LMNTD2: variants seen among roughly 807,000 people sequenced by gnomAD.
The protein encoded by LMNTD2 is lamin tail domain-containing protein 2.
Under a neutral mutation model 70.1 loss-of-function variants are expected in LMNTD2, and 83 were observed. The ratio of observed to expected loss-of-function variants is 1.18; its 90% CI spans 0.99 to 1.42. The LOEUF (loss-of-function observed/expected upper bound fraction) is 1.42. Among genes scored for constraint, LMNTD2 ranks in the 40% most tolerant of loss-of-function variants. LMNTD2 has a pLI of 0.00. For synonymous variants in LMNTD2, 534 were observed against 406.1 expected (o/e 1.31, Z -3.79); for missense variants, 1,153 against 905.9 (o/e 1.27, Z -3.50).
intron 3 of LMNTD2, 37 bp from the exon 4 acceptor site, chr11:558,285 T>TGAG: frequency 1.3e-6 from 2 of 1,592,648 alleles, no homozygotes; most frequent in Non-Finnish European, 1.7e-6. Context: ...CCCACCCTGC[T>TGAG]CAGGCAGGGG....
rs374146361 is a variant in LMNTD2 at position 556,906 on chromosome 11, G to A, written c.905C>T (p.Pro302Leu). ...LPSFVQVIGHPPRDHRASSEQ... is the reference protein window; with the variant it reads ...LPSFVQVIGHLPRDHRASSEQ... ...GGAGGAAGCGCGGTGGTCCCGGGGC[G>A]GGTGCCCTATCACCTGCACGAAGGA... Residue 302 changes from proline (P) to leucine (L), a missense_variant, in exon 8 of 14, where the codon CCG (proline) becomes CTG (leucine). By Grantham distance (98) the Pro-to-Leu change is moderately conservative (BLOSUM62 -3). Coordinates refer to ENST00000329451, the MANE Select transcript of LMNTD2 (RefSeq NM_173573.3). 47 of 1,595,250 alleles carry A rather than the reference G, an allele frequency of 2.9e-5. No homozygotes were observed. Among genetic ancestry groups the A allele is most frequent in the Non-Finnish European group, 3.8e-5 (45 of 1,174,116 alleles).
At position 557,022 on chromosome 11, in the gene LMNTD2, C is replaced by G. The variant is rs771717290; in HGVS notation, c.789G>C (p.Lys263Asn). Residue 263 changes from lysine (K) to asparagine (N), a missense_variant, in exon 8 of 14, where the codon AAG becomes AAC. Transcript: ENST00000329451. ...SSGKHSERHH[K>N]TVEWGSLPCL... ...AGGGCAGGGAGCCCCACTCCACGGT[C>G]TTGTGATGCCGCTCGGAATGCTTTC... 6.2e-7 allele frequency: 1 copy of G among 1,609,786 alleles called. No homozygotes were observed. The highest frequency in any genetic ancestry group is 8.5e-7 in the Non-Finnish European group (1 of 1,179,140).
chr11:559,523 C>T, intron 1 of LMNTD2: 6 of 1,263,128 alleles, frequency 4.8e-6, no homozygotes, highest in Admixed American at 2.5e-5. Context: ...AGAGGCTGAG[C>T]CACTGCTCAG....
intron 13 of LMNTD2, 83 bp downstream of exon 13, chr11:555,221 AG>A: frequency 1.5e-6 from 1 of 651,996 alleles, no homozygotes. Context: ...GGGGACGAGG[AG>A]ACAGAGGGGA....
Position 555,856 on chromosome 11 carries a change from G to T in LMNTD2, c.1452C>A (p.Ser484=). The T allele has an allele frequency of 6.4e-7, 1 of 1,560,700 alleles. No homozygotes were observed. The change falls in exon 12 of 14, where the codon TCC becomes TCA. Residue 484 remains serine (S), a synonymous_variant. Transcript: ENST00000329451. Reference sequence around the variant, plus strand: ...CCTCAGGGAGCGGGAAGCGGTCGATGGACAAGTCGGTGCCGTCGGCGAAGA... The same window carrying T: ...CCTCAGGGAGCGGGAAGCGGTCGATTGACAAGTCGGTGCCGTCGGCGAAGA... ...PRVFADGTDL[S]IDRFPLPEAG...
At chr11:557,145 C>A in intron 7 of LMNTD2, 48 bp from the exon 8 acceptor site, 1 of 1,523,044 alleles carries the variant, frequency 6.6e-7, no homozygotes, top group Non-Finnish European at 8.8e-7. Context: ...CAGACCCCAG[C>A]CCTGCCCCCG....
At chr11:559,961 TCACC>T (rs145993578) in intron 1 of LMNTD2, 10,901 of 189,200 alleles carry the variant, frequency 0.058, 640 homozygotes, top group East Asian at 0.3. Flanking sequence ...TGACAGGCAC[TCACC>T]TACCTGACCC....
intron 12 of LMNTD2, 94 bp downstream of exon 12, chr11:555,640 A>G: frequency 7.9e-7 from 1 of 1,262,552 alleles, no homozygotes; most frequent in Non-Finnish European, 1.0e-6. Flanking sequence ...CTGGGGAAGT[A>G]GGGGTCCGTC....
In LMNTD2 at chr11:558,784, C is replaced by T; in HGVS notation, c.159-18G>A. 6.2e-7 allele frequency: 1 copy of T among 1,601,520 alleles called. No individual in the cohort carries two copies. Among genetic ancestry groups the T allele is most frequent in the Non-Finnish European group, 8.5e-7 (1 of 1,171,350 alleles). ...GAGCCAACCTGCAGCGGCAGCAGAC[C>T]CTGCTGCTTACTCAGGCCGGCCCCT... On this transcript the variant is annotated intron_variant, in intron 2 of 13. Coordinates refer to ENST00000329451, the MANE Select transcript of LMNTD2 (RefSeq NM_173573.3).
rs765156653 is a variant in LMNTD2 at position 555,898 on chromosome 11, C to G, written c.1410G>C (p.Glu470Asp). The G allele has an allele frequency of 6.4e-7, 1 of 1,566,596 alleles. No individual in the cohort carries two copies. Residue 470 changes from glutamate (E) to aspartate (D), a missense_variant, in exon 12 of 14, where the codon GAG (glutamate) becomes GAC (aspartate). Transcript: ENST00000329451. ...CGGCGAAGACCCTCGGGGCCGGAGT[C>G]TCGCGGCGTGGGATCCGGTGCTCAC... Reference protein sequence around the residue: ...VLSEHRIPRRETPAPRVFADG... With the variant: ...VLSEHRIPRRDTPAPRVFADG...
Position 557,433 on chromosome 11 carries a change from G to C in LMNTD2, c.679C>G (p.Leu227Val). The C allele has an allele frequency of 6.2e-7, 1 of 1,610,070 alleles. No homozygotes were observed. Among genetic ancestry groups the C allele is most frequent in the East Asian group, 2.2e-5 (1 of 44,762 alleles). Reference protein sequence around the residue: ...WNSVARRYPNLFTNMEPSSKQ... With the variant: ...WNSVARRYPNVFTNMEPSSKQ... The stretch of plus-strand genomic sequence containing the variant: ...GAGCTGGGCTCCATGTTGGTGAAGA[G>C]GTTGGGATACCGGCGGGCAACGCTG... The change falls in exon 7 of 14, where the codon CTC becomes GTC. Residue 227 changes from leucine to valine, a missense_variant. By Grantham distance (32) the Leu-to-Val change is conservative. Transcript: ENST00000329451.
At chr11:559,194 T>G in intron 1 of LMNTD2, 1 of 1,475,232 alleles carries the variant, frequency 6.8e-7, no homozygotes, top group South Asian at 1.3e-5. Context: ...TCCACACCCG[T>G]GTGTTTCTGA....
rs768772255 is a variant in LMNTD2, at chr11:557,018, C to G, written c.793G>C (p.Val265Leu). Residue 265 changes from valine to leucine, a missense_variant, in exon 8 of 14, where the codon GTG becomes CTG. Physicochemically the swap from Val to Leu is conservative, Grantham distance 32 (BLOSUM62 1). Transcript: ENST00000329451. Reference sequence around the variant, plus strand: ...AGACAGGGCAGGGAGCCCCACTCCACGGTCTTGTGATGCCGCTCGGAATGC... The same window carrying G: ...AGACAGGGCAGGGAGCCCCACTCCAGGGTCTTGTGATGCCGCTCGGAATGC... ...GKHSERHHKT[V>L]EWGSLPCLNT... 1 of 1,609,492 alleles carries G rather than the reference C, an allele frequency of 6.2e-7. No homozygotes were observed. Among genetic ancestry groups the G allele is most frequent in the African/African-American group, 1.3e-5 (1 of 75,026 alleles).
intron 1 of LMNTD2, 191 bp downstream of exon 1, chr11:560,492 G>A (rs1026747048): frequency 2.4e-6 from 3 of 1,257,836 alleles, no homozygotes; most frequent in Non-Finnish European, 2.0e-6. Context: ...CGACCCCTGC[G>A]CGTCCAGACT....
chr11:558,072 G>A, intron 4 of LMNTD2, 33 bp from the exon 5 acceptor site: 1 of 1,588,748 alleles, frequency 6.3e-7, no homozygotes, highest in Non-Finnish European at 8.6e-7. Flanking sequence ...TGGTGGTGGG[G>A]GGGTGTCTTC....
chr11:555,697 G>A, intron 12 of LMNTD2, 37 bp downstream of exon 12: 3 of 1,370,668 alleles, frequency 2.2e-6, no homozygotes, highest in Non-Finnish European at 2.8e-6. Context: ...CGGGGCCTGG[G>A]GAGGGAGGCC....
Position 555,508 on chromosome 11 carries a change from T to G in LMNTD2, c.1575-5A>C. The G allele has an allele frequency of 2.2e-6, 3 of 1,349,214 alleles. No homozygotes were observed. Among genetic ancestry groups the G allele is most frequent in the Non-Finnish European group, 2.8e-6 (3 of 1,056,764 alleles). The allele number at this position is 1,349,214 out of a possible 1,614,324, so 83.6% of individuals were successfully genotyped here. Reference sequence around the variant, plus strand: ...GGGGGCAGCAGGCCCCGCGTCCTGGTGGGGCGAGGGTCGTGAGGGCGGCGG... The same window carrying G: ...GGGGGCAGCAGGCCCCGCGTCCTGGGGGGGCGAGGGTCGTGAGGGCGGCGG... On this transcript the variant is annotated splice_region_variant and splice_polypyrimidine_tract_variant and intron_variant, in intron 12 of 13. Transcript: ENST00000329451.
At position 556,913 on chromosome 11, in the gene LMNTD2, C is replaced by A. The variant is rs776254891; in HGVS notation, c.898G>T (p.Gly300Trp). Residue 300 changes from glycine to tryptophan, a missense_variant, in exon 8 of 14, where the codon GGG (glycine) becomes TGG (tryptophan). Gly to Trp is a radical substitution (Grantham distance 184). Transcript: ENST00000329451. Reference protein sequence around the residue: ...PGLPSFVQVIGHPPRDHRASS... With the variant: ...PGLPSFVQVIWHPPRDHRASS... ...GCGCGGTGGTCCCGGGGCGGGTGCC[C>A]TATCACCTGCACGAAGGAAGGCAGG... 1 of 1,596,066 alleles carries A rather than the reference C, an allele frequency of 6.3e-7. No homozygotes were observed. Among genetic ancestry groups the A allele is most frequent in the Non-Finnish European group, 8.5e-7 (1 of 1,174,936 alleles).
intron 13 of LMNTD2, 45 bp from the exon 14 acceptor site, chr11:555,156 CG>C (rs1203554473): frequency 1.9e-5 from 3 of 159,982 alleles, no homozygotes; most frequent in Non-Finnish European, 9.9e-6. Context: ...GGGGCGGGGA[CG>C]GGAGGGGAGG....
Sources: gnomAD v4.1 joint callset for allele counts on GRCh38, gnomAD v4.1.1 for gene constraint, MANE v1.5 for transcripts, NCBI Gene and HGNC (gene_info 2026-07-23, HGNC 2026-07-21) for gene names.